The following COL24A1 variants were observed in gnomAD, a reference collection of about 807,000 sequenced individuals.
The protein encoded by COL24A1 is collagen type XXIV alpha 1 chain, also known as collagen alpha-1(XXIV) chain.
COL24A1 carries 224 observed loss-of-function variants against 253.9 expected under a neutral mutation model. That is an observed-to-expected ratio of 0.88 (90% CI 0.79 to 0.99). The LOEUF is 0.99. Ranked by LOEUF, COL24A1 falls within the 50% of genes least tolerant of loss-of-function variation. The probability of loss-of-function intolerance (pLI) is 0.00; values close to 1 mark genes in which losing one functional copy is unlikely to be tolerated. For missense variants in COL24A1, 2,131 were observed against 2,068.5 expected (o/e 1.03, Z -0.59); for synonymous variants, 685 against 673.7 (o/e 1.02, Z -0.26).
intron 18 of COL24A1, among the ~76,000 whole-genome samples, chr1:86,019,432 C>T (rs1697287306): frequency 6.6e-6 from 1 of 151,396 alleles, no homozygotes. Context: ...TGGTGGTGGA[C>T]CTGCAGTCCT....
rs115893216 is a variant in COL24A1, at chr1:85,746,730, C to T, written c.4438-1224G>A. On this transcript the variant is annotated intron_variant, in intron 55 of 59. Coordinates refer to ENST00000370571, the MANE Select transcript of COL24A1 (RefSeq NM_152890.7). ...AGAAGGGGTAGGAGAGCTTTCCAGG[C>T]AGAAGCAGCAACCTGGCACAAAGGC... 6.4e-3 allele frequency among the ~76,000 whole-genome samples: 975 copies of T among 152,246 alleles called. 10 individuals carry two copies. The highest frequency in any genetic ancestry group is 0.023 in the African/African-American group (947 of 41,532).
At chr1:86,067,097 C>T (rs1701549679) in intron 7 of COL24A1, among the ~76,000 whole-genome samples, 1 of 151,910 alleles carries the variant, frequency 6.6e-6, no homozygotes, top group Non-Finnish European at 1.5e-5. Flanking sequence ...CGAGATTGCG[C>T]CACTGCACTC....
chr1:85,813,532 C>CTTTTTTT (rs765607746), intron 47 of COL24A1, among the ~76,000 whole-genome samples: 1 of 76,248 alleles, frequency 1.3e-5, no homozygotes. Context: ...TCATTCAGGT[C>CTTTTTTT]TTTTTTTTTT....
intron 55 of COL24A1, among the ~76,000 whole-genome samples, chr1:85,759,391 GT>G (rs770542826): frequency 9.9e-4 from 150 of 152,278 alleles, no homozygotes; most frequent in Non-Finnish European, 1.6e-3. Flanking sequence ...CTATCTTGTA[GT>G]GTGATGAGGG....
intron 2 of COL24A1, among the ~76,000 whole-genome samples, chr1:86,128,618 T>C (rs1507262): frequency 0.54 from 81,919 of 151,674 alleles, 22,632 homozygotes; most frequent in Non-Finnish European, 0.62. Flanking sequence ...AGAAATATCA[T>C]TGGGAGGAGT....
At position 85,816,729 on chromosome 1, in the gene COL24A1, T is replaced by C. The variant is rs138920431; in HGVS notation, c.3951+59A>G. The C allele has an allele frequency of 7.0e-4, 982 of 1,407,070 alleles. 3 individuals are homozygous for C. In the African/African-American group the frequency reaches 8.3e-3, roughly 12 times the overall value. 87.2% of individuals were successfully genotyped at this position (1,407,070 alleles called of 1,614,324 possible). On this transcript the variant is annotated intron_variant, in intron 47 of 59. Coordinates refer to ENST00000370571, the MANE Select transcript of COL24A1 (RefSeq NM_152890.7). The stretch of plus-strand genomic sequence containing the variant: ...AAATAGATAGCCAAAATATCTATGG[T>C]CTAGCAAGGAGACACATGCATAGGA...
At chr1:85,911,823 C>T (rs560852096) in intron 24 of COL24A1, among the ~76,000 whole-genome samples, 7 of 152,030 alleles carry the variant, frequency 4.6e-5, no homozygotes, top group Non-Finnish European at 7.4e-5. Flanking sequence ...CCCCTCAATA[C>T]ACAAGCGGAC....
At chr1:85,884,858 A>G (rs1182219751) in intron 32 of COL24A1, among the ~76,000 whole-genome samples, 1 of 152,162 alleles carries the variant, frequency 6.6e-6, no homozygotes, top group Admixed American at 6.5e-5. Flanking sequence ...CTATCTTTAA[A>G]GTAAGAACCT....
At chr1:85,994,236 T>A (rs938271138) in intron 19 of COL24A1, among the ~76,000 whole-genome samples, 2 of 151,988 alleles carry the variant, frequency 1.3e-5, no homozygotes, top group Non-Finnish European at 2.9e-5. Flanking sequence ...ATGTAAATTA[T>A]GAATTCTTGA....
intron 43 of COL24A1, 46 bp downstream of exon 43, chr1:85,838,539 A>G: frequency 1.3e-6 from 2 of 1,524,590 alleles, no homozygotes; most frequent in Non-Finnish European, 9.1e-7. Flanking sequence ...AGAAACACAG[A>G]GAACCCTATT....
chr1:86,066,230 CCTTT>C (rs1402446746), intron 7 of COL24A1, among the ~76,000 whole-genome samples: 1 of 140,464 alleles, frequency 7.1e-6, no homozygotes, highest in African/African-American at 2.7e-5. Flanking sequence ...TCCTAAGTCT[CCTTT>C]TTTTTTTTTT....
chr1:85,841,949 A>G (rs1039062386), intron 41 of COL24A1, 119 bp downstream of exon 41: 3 of 775,106 alleles, frequency 3.9e-6, no homozygotes, highest in Middle Eastern at 2.5e-4. Flanking sequence ...AATTAGTAAA[A>G]TTTTCAACTT....
chr1:86,092,888 C>T (rs1173463559), intron 5 of COL24A1, among the ~76,000 whole-genome samples: 2 of 151,918 alleles, frequency 1.3e-5, no homozygotes, highest in Non-Finnish European at 2.9e-5. Flanking sequence ...TTATCTTTTA[C>T]ATTTCAAGAT....
intron 24 of COL24A1, among the ~76,000 whole-genome samples, chr1:85,918,244 C>G (rs1190275586): frequency 1.3e-5 from 2 of 151,062 alleles, no homozygotes; most frequent in African/African-American, 4.9e-5. Context: ...ACTTTTCTAT[C>G]TAGAAAAGTT....
At chr1:86,127,322 G>A (rs546804324) in intron 2 of COL24A1, among the ~76,000 whole-genome samples, 9 of 151,878 alleles carry the variant, frequency 5.9e-5, no homozygotes, top group African/African-American at 1.7e-4. Flanking sequence ...ATTATTCATC[G>A]TAATATTACC....
rs1167419244 is a variant in COL24A1, at chr1:86,142,544, A to AC, written c.121+3574_121+3575insG. 1.4e-3 allele frequency among the ~76,000 whole-genome samples: 214 copies of AC among 151,322 alleles called. 1 individual carries two copies. The highest frequency in any genetic ancestry group is 3.0e-3 in the Admixed American group (46 of 15,176). On this transcript the variant is annotated intron_variant, in intron 2 of 59. Transcript: ENST00000370571. Reference sequence around the variant, plus strand: ...CCTCAAAAAAAAAAACAAAAAACAAAAAACAAAAAAAACAATTTAAACACA... The same window carrying AC: ...CCTCAAAAAAAAAAACAAAAAACAAACAAACAAAAAAAACAATTTAAACACA...
chr1:86,153,643 T>A (rs912257061), intron 1 of COL24A1, among the ~76,000 whole-genome samples: 7 of 152,200 alleles, frequency 4.6e-5, no homozygotes, highest in Non-Finnish European at 1.0e-4. Flanking sequence ...CACTCAAAAG[T>A]ACTTTCCATA....
At chr1:86,016,852 T>G (rs1229479948) in intron 19 of COL24A1, among the ~76,000 whole-genome samples, 1 of 152,260 alleles carries the variant, frequency 6.6e-6, no homozygotes, top group African/African-American at 2.4e-5. Flanking sequence ...CAGTGGAGTT[T>G]CTTTCCTGAA....
At chr1:85,989,333 AT>A (rs1241208278) in intron 19 of COL24A1, among the ~76,000 whole-genome samples, 1 of 151,710 alleles carries the variant, frequency 6.6e-6, no homozygotes. Flanking sequence ...ATACTTTCAT[AT>A]TTTTGATATA....
Sources: allele counts gnomAD v4.1 joint callset (sites outside exome capture counted in the v4.1 genomes callset), GRCh38; gene constraint gnomAD v4.1.1; transcripts MANE v1.5; gene names NCBI Gene and HGNC (gene_info 2026-07-23, HGNC 2026-07-21).